Variants in TENM2 observed in about 807,000 individuals in gnomAD.
TENM2 encodes teneurin-2.
In TENM2, 52 loss-of-function variants were observed where a neutral mutation model predicts 245.2. The observed-to-expected ratio is 0.21, with a 90% confidence interval of 0.17 to 0.27. The LOEUF (loss-of-function observed/expected upper bound fraction) is 0.27, where lower values mean the gene tolerates loss of function less well. Among genes scored for constraint, TENM2 ranks in the 10% least tolerant of loss-of-function variants. The probability of loss-of-function intolerance (pLI) is 1.00; values close to 1 mark genes in which losing one functional copy is unlikely to be tolerated. For synonymous variants in TENM2, 1,363 were observed against 1,438.9 expected, an observed-to-expected ratio of 0.95 and a Z score of 1.19; for missense variants, 3,046 against 3,666.8, an observed-to-expected ratio of 0.83 and a Z score of 4.37.
intron 6 of TENM2, among the ~76,000 whole-genome samples, chr5:168,059,005 C>G (rs1789802197): frequency 6.6e-6 from 1 of 152,164 alleles, no homozygotes; most frequent in Non-Finnish European, 1.5e-5. Flanking sequence ...AGGATTCAAA[C>G]ACAGTTCTAT....
intron 5 of TENM2, among the ~76,000 whole-genome samples, chr5:168,027,875 A>G (rs768827628): frequency 6.6e-6 from 1 of 152,234 alleles, no homozygotes; most frequent in Admixed American, 6.5e-5. Context: ...AGTGTAGCAC[A>G]TAGGTACTAC....
chr5:167,378,410 A>T (rs1254898012), intron 2 of TENM2, among the ~76,000 whole-genome samples: 1 of 145,506 alleles, frequency 6.9e-6, no homozygotes, highest in Admixed American at 7.0e-5. Context: ...TGTAGACACC[A>T]TAGTGCTTCA....
chr5:167,857,836 T>C (rs1442150410), intron 2 of TENM2, among the ~76,000 whole-genome samples: 1 of 152,236 alleles, frequency 6.6e-6, no homozygotes, highest in African/African-American at 2.4e-5. Flanking sequence ...GGTTTTCTGC[T>C]CATCCCCAAA....
chr5:167,660,093 G>T (rs1170128599), intron 2 of TENM2: 2 of 152,082 alleles, frequency 1.3e-5, no homozygotes, highest in East Asian at 3.9e-4. Flanking sequence ...GGAAGCATTA[G>T]TCAGGTCCTT....
At chr5:167,445,326 T>TAGAGAG (rs1394963206) in intron 2 of TENM2, among the ~76,000 whole-genome samples, 12 of 32,864 alleles carry the variant, frequency 3.7e-4, no homozygotes, top group South Asian at 1.4e-3. Context: ...TATATATATA[T>TAGAGAG]ATATATATAT....
At chr5:167,852,232 ACT>A in intron 2 of TENM2, among the ~76,000 whole-genome samples, 1 of 152,246 alleles carries the variant, frequency 6.6e-6, no homozygotes, top group Admixed American at 6.5e-5. Context: ...GCACAATTGA[ACT>A]TAATATATTA....
chr5:168,229,157 T>A (rs148587277), intron 25 of TENM2, among the ~76,000 whole-genome samples: 2,584 of 149,176 alleles, frequency 0.017, 30 homozygotes, highest in Non-Finnish European at 0.025. Flanking sequence ...CCCACGAGGA[T>A]AATTATTACT....
intron 27 of TENM2, among the ~76,000 whole-genome samples, chr5:168,251,898 G>A (rs1443680585): frequency 6.6e-6 from 1 of 152,200 alleles, no homozygotes; most frequent in Non-Finnish European, 1.5e-5. Flanking sequence ...GTACTGACTG[G>A]GTAGGAGCTC....
At chr5:167,898,615 G>C (rs1775438450) in intron 3 of TENM2, among the ~76,000 whole-genome samples, 1 of 152,212 alleles carries the variant, frequency 6.6e-6, no homozygotes, top group African/African-American at 2.4e-5. Flanking sequence ...CTGGGGGAGA[G>C]AGACTGGAGA....
At chr5:167,889,978 A>G (rs1774616812) in intron 3 of TENM2, among the ~76,000 whole-genome samples, 3 of 152,178 alleles carry the variant, frequency 2.0e-5, no homozygotes, top group Admixed American at 2.0e-4. Context: ...GGTTCAGAAG[A>G]TAAAAAGAAT....
At chr5:166,991,779 A>G in the TENM2 span, among the ~76,000 whole-genome samples, 1 of 152,184 alleles carries the variant, frequency 6.6e-6, no homozygotes, top group African/African-American at 2.4e-5. Context: ...GCAGGCTCAC[A>G]TACTGGCATG....
chr5:168,093,718 T>G (rs1406216317), intron 8 of TENM2, among the ~76,000 whole-genome samples: 1 of 152,188 alleles, frequency 6.6e-6, no homozygotes, highest in Non-Finnish European at 1.5e-5. Flanking sequence ...TTCCTGGGCT[T>G]GATCTCACAT....
At chr5:167,877,885 G>A (rs1317062231) in intron 3 of TENM2, among the ~76,000 whole-genome samples, 1 of 152,118 alleles carries the variant, frequency 6.6e-6, no homozygotes, top group African/African-American at 2.4e-5. Context: ...CTTCGCTTAT[G>A]TTTTGCTGCT....
intron 1 of TENM2, among the ~76,000 whole-genome samples, chr5:167,316,785 T>C (rs1413811229): frequency 6.6e-6 from 1 of 152,172 alleles, no homozygotes; most frequent in Non-Finnish European, 1.5e-5. Flanking sequence ...GACATTGCAA[T>C]GGAGAAAAGC....
chr5:167,120,539 G>T, the TENM2 span, among the ~76,000 whole-genome samples: 27 of 152,312 alleles, frequency 1.8e-4, no homozygotes, highest in Non-Finnish European at 3.1e-4. Flanking sequence ...TAGTCATCAG[G>T]AGTTGTCTTT....
chr5:167,755,069 C>T, intron 2 of TENM2: 1 of 1,598,750 alleles, frequency 6.3e-7, no homozygotes, highest in Admixed American at 1.7e-5. Flanking sequence ...GAGCCCACCT[C>T]TCCTGATCAT....
chr5:167,204,575 G>A, the TENM2 span, among the ~76,000 whole-genome samples: 15 of 152,254 alleles, frequency 9.9e-5, no homozygotes, highest in African/African-American at 3.4e-4. Flanking sequence ...GAATTCAGAG[G>A]GACAACATTT....
intron 2 of TENM2, among the ~76,000 whole-genome samples, chr5:167,746,710 A>AGAGAGAGAGAGAGAGAGAGAGAGCGAGC (rs761614775): frequency 4.6e-4 from 66 of 144,960 alleles, no homozygotes; most frequent in South Asian, 1.1e-3. Flanking sequence ...AGAGAGAGAG[A>AGAGAGAGAGAGAGAGAGAGAGAGCGAGC]GAGAGCTGGA....
At chr5:167,128,395 A>C in the TENM2 span, among the ~76,000 whole-genome samples, 2 of 152,142 alleles carry the variant, frequency 1.3e-5, no homozygotes, top group Admixed American at 1.3e-4. Flanking sequence ...TGTGCATCAG[A>C]AACGCCCTAG....
Sources: gnomAD v4.1 joint callset for allele counts (sites outside exome capture counted in the v4.1 genomes callset) on GRCh38, gnomAD v4.1.1 for gene constraint, MANE v1.5 for transcripts, NCBI Gene and HGNC (gene_info 2026-07-23, HGNC 2026-07-21) for gene names.